NOX4: variants seen among roughly 807,000 people sequenced by gnomAD.
NOX4 encodes NADPH oxidase 4, also known as kidney oxidase-1.
A neutral mutation model predicts 87.6 loss-of-function variants in NOX4; 69 were observed. That is an observed-to-expected ratio of 0.79 (90% confidence interval 0.65 to 0.96). The LOEUF (loss-of-function observed/expected upper bound fraction) is 0.96, where lower values mean the gene tolerates loss of function less well. Ranked by LOEUF, NOX4 falls within the 40% of genes least tolerant of loss-of-function variation. The probability of loss-of-function intolerance (pLI) is 0.00; values close to 1 mark genes in which losing one functional copy is unlikely to be tolerated. For synonymous variants in NOX4, 275 were observed against 238.2 expected, an observed-to-expected ratio of 1.15 and a Z score of -1.42; for missense variants, 680 against 681.5, an observed-to-expected ratio of 1.00 and a Z score of 0.02.
the NOX4 span, among the ~76,000 whole-genome samples, chr11:89,546,961 T>C: frequency 2.6e-5 from 4 of 152,200 alleles, no homozygotes; most frequent in Admixed American, 2.6e-4. Flanking sequence ...GTTTCTAAGC[T>C]CATTTGTCAT....
At chr11:89,542,649 T>A in the NOX4 span, among the ~76,000 whole-genome samples, 1 of 152,156 alleles carries the variant, frequency 6.6e-6, no homozygotes, top group African/African-American at 2.4e-5. Context: ...CTTTTAGTGG[T>A]GTTCTTTGTT....
intron 5 of NOX4, among the ~76,000 whole-genome samples, chr11:89,441,109 G>A (rs1173873674): frequency 6.6e-6 from 1 of 152,158 alleles, no homozygotes; most frequent in African/African-American, 2.4e-5. Context: ...TGCATCACAA[G>A]ATGTGAAGAC....
intron 11 of NOX4, among the ~76,000 whole-genome samples, chr11:89,394,109 CT>C (rs754521965): frequency 1.5e-4 from 23 of 152,072 alleles, no homozygotes; most frequent in Non-Finnish European, 2.5e-4. Context: ...CACACTACTT[CT>C]TTTGTGTTTT....
intron 13 of NOX4, among the ~76,000 whole-genome samples, chr11:89,346,293 A>G (rs1946212944): frequency 1.3e-5 from 2 of 152,190 alleles, no homozygotes; most frequent in Non-Finnish European, 2.9e-5. Flanking sequence ...AAGGCCTTAC[A>G]AATTAATTAA....
chr11:89,515,348 A>C, the NOX4 span, among the ~76,000 whole-genome samples: 1 of 151,842 alleles, frequency 6.6e-6, no homozygotes, highest in African/African-American at 2.4e-5. Context: ...GTTTATGGCT[A>C]TGTCACTTAT....
intron 2 of NOX4, among the ~76,000 whole-genome samples, chr11:89,480,733 A>G (rs1946361353): frequency 6.6e-6 from 1 of 152,122 alleles, no homozygotes; most frequent in Non-Finnish European, 1.5e-5. Flanking sequence ...AACTTGGCAC[A>G]ATGTCAGGCC....
the NOX4 span, among the ~76,000 whole-genome samples, chr11:89,578,669 C>A: frequency 4.6e-5 from 7 of 152,086 alleles, no homozygotes; most frequent in Non-Finnish European, 1.0e-4. Flanking sequence ...CACAAACAAC[C>A]TCAATTAATG....
intron 2 of NOX4, among the ~76,000 whole-genome samples, chr11:89,472,130 T>C (rs1945971760): frequency 6.6e-6 from 1 of 152,112 alleles, no homozygotes; most frequent in Non-Finnish European, 1.5e-5. Context: ...AACCAGAAAA[T>C]GATGAACAAT....
chr11:89,549,971 G>T, the NOX4 span, among the ~76,000 whole-genome samples: 1 of 152,108 alleles, frequency 6.6e-6, no homozygotes, highest in African/African-American at 2.4e-5. Context: ...GTGTGTATGT[G>T]TCTTTTTAGT....
the NOX4 span, among the ~76,000 whole-genome samples, chr11:89,523,899 A>T: frequency 6.6e-5 from 10 of 152,220 alleles, no homozygotes; most frequent in Non-Finnish European, 1.3e-4. Flanking sequence ...GCATGATTTT[A>T]TTTACATAAA....
the NOX4 span, among the ~76,000 whole-genome samples, chr11:89,585,488 T>G: frequency 1.3e-5 from 2 of 152,182 alleles, no homozygotes; most frequent in Non-Finnish European, 2.9e-5. Context: ...AAAGGCCACA[T>G]AGTAAATATT....
At chr11:89,501,842 C>A (rs562652), upstream of NOX4, among the ~76,000 whole-genome samples, 1 of 152,008 alleles carries the variant, frequency 6.6e-6, no homozygotes, top group Admixed American at 6.6e-5. Flanking sequence ...GAGTATTCAC[C>A]ATTTCTACCC....
chr11:89,573,362 CT>C, the NOX4 span, among the ~76,000 whole-genome samples: 1 of 152,104 alleles, frequency 6.6e-6, no homozygotes, highest in Admixed American at 6.6e-5. Context: ...CAGTGAAACC[CT>C]GTCTCTACTA....
intron 8 of NOX4, among the ~76,000 whole-genome samples, chr11:89,407,794 T>A (rs1452361856): frequency 6.6e-6 from 1 of 151,846 alleles, no homozygotes; most frequent in Non-Finnish European, 1.5e-5. Context: ...AGATAAATAT[T>A]ACAAAATACC....
chr11:89,428,224 A>G (rs1036584742), intron 7 of NOX4, among the ~76,000 whole-genome samples: 3 of 152,180 alleles, frequency 2.0e-5, no homozygotes, highest in Non-Finnish European at 4.4e-5. Context: ...AGGAAGCACT[A>G]AACATGGAAA....
chr11:89,414,944 A>G (rs1206357192), intron 8 of NOX4, among the ~76,000 whole-genome samples: 1 of 152,024 alleles, frequency 6.6e-6, no homozygotes, highest in African/African-American at 2.4e-5. Context: ...CATAAGCAAG[A>G]GTACTTTCTA....
chr11:89,402,254 A>G (rs1941901450), intron 9 of NOX4, 72 bp downstream of exon 9: 8 of 1,134,702 alleles, frequency 7.1e-6, no homozygotes, highest in Non-Finnish European at 1.1e-5. Flanking sequence ...CTTGAAAAAC[A>G]CATTTATATG....
Position 89,400,038 on chromosome 11 carries a change from A to G in NOX4, c.1053T>C (p.Asn351=). The G allele has an allele frequency of 6.2e-7, 1 of 1,609,278 alleles. No homozygotes were observed. The highest frequency in any genetic ancestry group is 8.5e-7 in the Non-Finnish European group (1 of 1,176,568). Residue 351 remains asparagine, a synonymous_variant, in exon 11 of 18, where the codon AAT becomes AAC. Transcript: ENST00000263317. ...TTACCATTGTGAGGGTAAATGGATG[A>G]TTTTCTAATGCAGATACACTGGGAC... ...LHCPSVSALE[N]HPFTLTMCPT... is the part of the protein sequence containing the mutation.
intron 13 of NOX4, among the ~76,000 whole-genome samples, chr11:89,353,678 A>G (rs1937752471): frequency 6.6e-6 from 1 of 152,134 alleles, no homozygotes; most frequent in Admixed American, 6.6e-5. Context: ...GTAGCTGCAA[A>G]TAGATAACCA....
Sources: allele counts gnomAD v4.1 joint callset (sites outside exome capture counted in the v4.1 genomes callset), GRCh38; gene constraint gnomAD v4.1.1; transcripts MANE v1.5; gene names NCBI Gene and HGNC (gene_info 2026-07-23, HGNC 2026-07-21).